Variants in IL1RAPL1 observed in about 807,000 individuals in gnomAD.
IL1RAPL1 encodes the protein interleukin-1 receptor accessory protein-like 1.
Under a neutral mutation model 48.4 loss-of-function variants are expected in IL1RAPL1, and 3 were observed. The observed-to-expected ratio is 0.06, with a 90% CI of 0.03 to 0.16. The LOEUF (loss-of-function observed/expected upper bound fraction) is 0.16. Among genes scored for constraint, IL1RAPL1 ranks in the 10% least tolerant of loss-of-function variants. IL1RAPL1 has a pLI of 1.00. For missense variants in IL1RAPL1, 349 were observed against 530.6 expected (o/e 0.66, Z 3.36); for synonymous variants, 185 against 187.7 (o/e 0.99, Z 0.12).
chrX:29,271,208 G>A (rs983643592), intron 2 of IL1RAPL1, among the ~76,000 whole-genome samples: 12 of 111,574 alleles, frequency 1.1e-4, no homozygotes, highest in African/African-American at 2.9e-4. Context: ...TCTTCTTTAC[G>A]GCTGTGTAGT....
At chrX:29,101,750 A>G (rs2147464058) in intron 2 of IL1RAPL1, among the ~76,000 whole-genome samples, 1 of 111,093 alleles carries the variant, frequency 9.0e-6, no homozygotes, top group Non-Finnish European at 1.9e-5. Flanking sequence ...AGCCTGGCCA[A>G]CACGGTGAAA....
chrX:29,142,985 G>A (rs900786704), intron 2 of IL1RAPL1, among the ~76,000 whole-genome samples: 4 of 110,967 alleles, frequency 3.6e-5, no homozygotes, highest in Non-Finnish European at 7.5e-5. Flanking sequence ...GAGCCACCGC[G>A]CCTGGCCAAA....
At chrX:29,498,711 A>G (rs1217957794) in intron 5 of IL1RAPL1, among the ~76,000 whole-genome samples, 3 of 111,607 alleles carry the variant, frequency 2.7e-5, no homozygotes, top group African/African-American at 9.8e-5. Context: ...TATTATTTGT[A>G]CTGATTAACA....
In IL1RAPL1 at chrX:29,802,801, A is replaced by ATG. The variant is rs1569172793; in HGVS notation, c.779-114662_779-114661insGT. Among the ~76,000 whole-genome samples, 37 of 48,194 alleles carry ATG rather than the reference A, an allele frequency of 7.7e-4. 1 individual carries two copies. The highest frequency in any genetic ancestry group is 3.3e-3 in the African/African-American group (29 of 8,787). 41.9% of individuals were successfully genotyped at this position (48,194 alleles called of 115,157 possible). A position where few individuals can be genotyped will look rare whatever the true frequency, so the allele number is the denominator to read the frequency against. On this transcript the variant is annotated intron_variant, in intron 6 of 10. Coordinates refer to ENST00000378993, the MANE Select transcript of IL1RAPL1 (RefSeq NM_014271.4). ...TATATATGTGTGTGTGTATATATAT[A>ATG]TATATATATGTGTGTATATATATGT...
At chrX:28,778,776 A>G (rs962461960) in intron 1 of IL1RAPL1, among the ~76,000 whole-genome samples, 20 of 111,511 alleles carry the variant, frequency 1.8e-4, no homozygotes, top group African/African-American at 6.2e-4. Context: ...ATTCCCAGTA[A>G]TTTAAGTTTG....
chrX:29,624,093 A>T (rs151332751), intron 5 of IL1RAPL1, among the ~76,000 whole-genome samples: 5,119 of 111,873 alleles, frequency 0.046, 309 homozygotes, highest in African/African-American at 0.16. Flanking sequence ...TAGTCCATAG[A>T]TTTCTTACCT....
At chrX:29,141,711 A>G (rs965182055) in intron 2 of IL1RAPL1, among the ~76,000 whole-genome samples, 5 of 111,800 alleles carry the variant, frequency 4.5e-5, no homozygotes, top group African/African-American at 1.3e-4. Flanking sequence ...ATCATAGTTT[A>G]TGTATTTATT....
At chrX:28,946,905 T>C (rs1294301416) in intron 2 of IL1RAPL1, among the ~76,000 whole-genome samples, 1 of 111,944 alleles carries the variant, frequency 8.9e-6, no homozygotes, top group African/African-American at 3.2e-5. Context: ...ATGAGTATTT[T>C]ATCAGTGTCA....
At chrX:28,931,607 A>G (rs1368161454) in intron 2 of IL1RAPL1, among the ~76,000 whole-genome samples, 1 of 111,957 alleles carries the variant, frequency 8.9e-6, no homozygotes, top group Non-Finnish European at 1.9e-5. Context: ...TGAAAATTTT[A>G]TTTGGACAAG....
At chrX:28,839,143 T>A (rs1363726085) in intron 2 of IL1RAPL1, among the ~76,000 whole-genome samples, 1 of 111,833 alleles carries the variant, frequency 8.9e-6, no homozygotes, top group African/African-American at 3.2e-5. Flanking sequence ...TTTTTATATG[T>A]GCTTAAAGTT....
At chrX:29,522,151 A>G (rs1320933562) in intron 5 of IL1RAPL1, among the ~76,000 whole-genome samples, 2 of 110,993 alleles carry the variant, frequency 1.8e-5, no homozygotes, top group African/African-American at 6.6e-5. Flanking sequence ...TTTTTAATTT[A>G]TTTTTATTTT....
chrX:29,896,857 T>C (rs1467808276), intron 6 of IL1RAPL1, among the ~76,000 whole-genome samples: 1 of 112,685 alleles, frequency 8.9e-6, no homozygotes, highest in African/African-American at 3.2e-5. Context: ...TGCACACACA[T>C]ATGCATGCAC....
At chrX:29,615,737 C>T (rs1005220887) in intron 5 of IL1RAPL1, among the ~76,000 whole-genome samples, 1 of 111,641 alleles carries the variant, frequency 9.0e-6, no homozygotes, top group African/African-American at 3.3e-5. Flanking sequence ...AAGAAAAACA[C>T]ACCTAAATAG....
At chrX:28,865,527 A>C (rs981299863) in intron 2 of IL1RAPL1, among the ~76,000 whole-genome samples, 1 of 111,610 alleles carries the variant, frequency 9.0e-6, no homozygotes, top group East Asian at 2.8e-4. Flanking sequence ...TTGAGTAGGC[A>C]ATTAAACATT....
intron 2 of IL1RAPL1, among the ~76,000 whole-genome samples, chrX:28,892,445 C>T (rs1922796835): frequency 9.0e-6 from 1 of 110,585 alleles, no homozygotes; most frequent in African/African-American, 3.3e-5. Context: ...GGAATGTCCT[C>T]AGGTAAGGCA....
chrX:29,479,503 C>G (rs762132196), intron 5 of IL1RAPL1, among the ~76,000 whole-genome samples: 4 of 107,959 alleles, frequency 3.7e-5, no homozygotes, highest in African/African-American at 6.8e-5. Context: ...TTATTTGACA[C>G]TACCTATAGC....
chrX:28,683,135 A>G (rs1935079711), intron 1 of IL1RAPL1, among the ~76,000 whole-genome samples: 3 of 111,783 alleles, frequency 2.7e-5, no homozygotes, highest in Admixed American at 9.5e-5. Context: ...TTGGATTCCT[A>G]TATAATTTCT....
chrX:29,918,540 C>T (rs1056905973), intron 7 of IL1RAPL1, among the ~76,000 whole-genome samples: 1 of 105,453 alleles, frequency 9.5e-6, no homozygotes, highest in Admixed American at 1.0e-4. Context: ...TCACAGGAAA[C>T]ATTAACAAGG....
Position 29,057,000 on chromosome X carries a change from C to A in IL1RAPL1, c.83-225938C>A, listed in dbSNP as rs1927230014. ...GTTTGAGAAGTTATAGCTTACTGAT[C>A]TGAAAACATTAATTGAACCTCCAAA... On this transcript the variant is annotated intron_variant, in intron 2 of 10. Coordinates refer to ENST00000378993, the MANE Select transcript of IL1RAPL1 (RefSeq NM_014271.4). Among the ~76,000 whole-genome samples the A allele has an allele frequency of 2.7e-5, 3 of 112,061 alleles. No homozygotes were observed. The South Asian group carries it at 1.1e-3, about 42-fold the overall frequency.
Sources: gnomAD v4.1 joint callset for allele counts (sites outside exome capture counted in the v4.1 genomes callset) on GRCh38, gnomAD v4.1.1 for gene constraint, MANE v1.5 for transcripts, NCBI Gene and HGNC (gene_info 2026-07-23, HGNC 2026-07-21) for gene names.